The following EPM2A variants were observed in gnomAD, a reference collection of about 807,000 sequenced individuals.
EPM2A encodes the protein EPM2A glucan phosphatase, laforin, also known as laforin.
In EPM2A, 21 loss-of-function variants were observed where a neutral mutation model predicts 26.5. That is an observed-to-expected ratio of 0.79 (90% confidence interval 0.56 to 1.14). The LOEUF (loss-of-function observed/expected upper bound fraction) is 1.14, where lower values mean the gene tolerates loss of function less well. Among genes scored for constraint, EPM2A ranks in the 50% most tolerant of loss-of-function variants. EPM2A has a pLI of 0.00. For synonymous variants in EPM2A, 217 were observed against 177.6 expected (o/e 1.22, Z -1.76); for missense variants, 458 against 440.8 (o/e 1.04, Z -0.35).
At chr6:145,451,985 A>G (rs1779200960) in intron 4 of EPM2A, among the ~76,000 whole-genome samples, 1 of 152,040 alleles carries the variant, frequency 6.6e-6, no homozygotes, top group Non-Finnish European at 1.5e-5. Flanking sequence ...CCTCTTCATC[A>G]TTGTTTTTTC....
chr6:145,692,898 G>A (rs1004346848), intron 1 of EPM2A, among the ~76,000 whole-genome samples: 3 of 152,010 alleles, frequency 2.0e-5, no homozygotes, highest in Non-Finnish European at 4.4e-5. Context: ...GGCTATTCGA[G>A]CTCTTTTTTG....
intron 4 of EPM2A, among the ~76,000 whole-genome samples, chr6:145,417,063 A>T (rs1221695853): frequency 6.6e-6 from 1 of 152,210 alleles, no homozygotes; most frequent in Non-Finnish European, 1.5e-5. Flanking sequence ...AGCCTTGGCC[A>T]AGGTGATATT....
At chr6:145,387,228 T>G (rs1482501363) in intron 4 of EPM2A, among the ~76,000 whole-genome samples, 10 of 152,208 alleles carry the variant, frequency 6.6e-5, no homozygotes, top group Non-Finnish European at 1.5e-5. Context: ...GTAAATGATA[T>G]TCTCAAGAAA....
At chr6:145,608,841 C>T (rs544307762) in intron 2 of EPM2A, among the ~76,000 whole-genome samples, 1 of 152,302 alleles carries the variant, frequency 6.6e-6, no homozygotes, top group South Asian at 2.1e-4. Flanking sequence ...GGACAGACAA[C>T]AGATAATCTA....
intron 2 of EPM2A, among the ~76,000 whole-genome samples, chr6:145,663,535 T>G (rs866730588): frequency 6.6e-6 from 1 of 152,154 alleles, no homozygotes; most frequent in Non-Finnish European, 1.5e-5. Flanking sequence ...AATCTACGTC[T>G]GATTGGTGTA....
Position 145,716,594 on chromosome 6 carries a change from G to A in EPM2A, c.301+18604C>T, listed in dbSNP as rs149177439. 9.3e-4 allele frequency among the ~76,000 whole-genome samples: 141 copies of A among 152,108 alleles called. 2 individuals are homozygous for A. Among genetic ancestry groups the A allele is most frequent in the Middle Eastern group, 3.4e-3 (1 of 294 alleles). ...ACCCTACCCCTATCCTGGAGTGGCC[G>A]CCCCACAGCCTCCTGCAGCTGCCAT... On this transcript the variant is annotated intron_variant, in intron 1 of 3. Transcript: ENST00000367519.
intron 3 of EPM2A, chr6:145,631,385 T>C (rs1408598128): frequency 6.6e-6 from 1 of 152,156 alleles, no homozygotes; most frequent in Non-Finnish European, 1.5e-5. Context: ...TCTTTTAACA[T>C]AAAGTATTCC....
intron 2 of EPM2A, among the ~76,000 whole-genome samples, chr6:145,564,781 G>T (rs929490028): frequency 6.7e-6 from 1 of 148,760 alleles, no homozygotes; most frequent in East Asian, 2.0e-4. Flanking sequence ...GGTGGGGGGG[G>T]GCAGGGGGTG....
chr6:145,498,380 T>C (rs1779848022), downstream of EPM2A, among the ~76,000 whole-genome samples: 1 of 152,212 alleles, frequency 6.6e-6, no homozygotes, highest in South Asian at 2.1e-4. Context: ...CTGCCTTCCC[T>C]GAGTTGCAGT....
chr6:145,526,996 T>C (rs1780283301), intron 2 of EPM2A, among the ~76,000 whole-genome samples: 1 of 152,088 alleles, frequency 6.6e-6, no homozygotes, highest in Non-Finnish European at 1.5e-5. Flanking sequence ...TCTGTTTTCA[T>C]TTACTTCAAA....
downstream of EPM2A, among the ~76,000 whole-genome samples, chr6:145,498,428 G>C (rs1193957010): frequency 6.6e-6 from 1 of 152,194 alleles, no homozygotes; most frequent in Non-Finnish European, 1.5e-5. Flanking sequence ...AGTATGTAAA[G>C]CTCCTGAGAC....
chr6:145,673,179 G>C (rs1779773220), intron 2 of EPM2A, among the ~76,000 whole-genome samples: 1 of 150,576 alleles, frequency 6.6e-6, no homozygotes, highest in African/African-American at 2.4e-5. Flanking sequence ...ATCTAACCAT[G>C]ATAAAAACAG....
intron 2 of EPM2A, among the ~76,000 whole-genome samples, chr6:145,550,054 T>C (rs1007645975): frequency 6.6e-6 from 1 of 152,150 alleles, no homozygotes; most frequent in African/African-American, 2.4e-5. Flanking sequence ...TATACTTGTA[T>C]AGCTTTTGAA....
intron 1 of EPM2A, among the ~76,000 whole-genome samples, chr6:145,731,139 G>A (rs1776464581): frequency 2.6e-5 from 4 of 151,956 alleles, no homozygotes; most frequent in Admixed American, 2.0e-4. Flanking sequence ...TCATGATCAA[G>A]TTCTTTTTAC....
intron 2 of EPM2A, among the ~76,000 whole-genome samples, chr6:145,565,495 C>G (rs1780873025): frequency 6.6e-6 from 1 of 151,472 alleles, no homozygotes; most frequent in Non-Finnish European, 1.5e-5. Flanking sequence ...ACCCTGTGAT[C>G]TTAAAACATG....
At chr6:145,710,064 C>G (rs554320969) in intron 1 of EPM2A, among the ~76,000 whole-genome samples, 2 of 152,096 alleles carry the variant, frequency 1.3e-5, no homozygotes, top group Non-Finnish European at 2.9e-5. Flanking sequence ...TGGGCAAGGA[C>G]TTCATGTCTA....
chr6:145,497,329 C>A (rs892832630), downstream of EPM2A, among the ~76,000 whole-genome samples: 1 of 152,142 alleles, frequency 6.6e-6, no homozygotes, highest in African/African-American at 2.4e-5. Context: ...TGCTCCAGTC[C>A]CTAGTTGCCT....
chr6:145,447,362 A>C (rs1216657337), intron 4 of EPM2A, among the ~76,000 whole-genome samples: 1 of 152,106 alleles, frequency 6.6e-6, no homozygotes, highest in East Asian at 1.9e-4. Flanking sequence ...GTTATTCCAT[A>C]TTTTAAATAT....
intron 1 of EPM2A, among the ~76,000 whole-genome samples, chr6:145,710,340 C>T (rs1279651188): frequency 1.3e-5 from 2 of 152,200 alleles, no homozygotes; most frequent in African/African-American, 2.4e-5. Context: ...CAAACGAAGA[C>T]ATTTATGCAG....
Sources: allele counts gnomAD v4.1 joint callset (sites outside exome capture counted in the v4.1 genomes callset), GRCh38; gene constraint gnomAD v4.1.1; transcripts MANE v1.5; gene names NCBI Gene and HGNC (gene_info 2026-07-23, HGNC 2026-07-21).